The following KANK1 variants were observed in gnomAD, a reference collection of about 807,000 sequenced individuals.
KANK1 encodes the protein KN motif and ankyrin repeat domain-containing protein 1.
KANK1 carries 109 observed loss-of-function variants against 106.2 expected under a neutral mutation model. The ratio of observed to expected loss-of-function variants is 1.03; its 90% CI spans 0.88 to 1.20. KANK1 has a LOEUF of 1.20. Ranked by LOEUF, KANK1 falls within the 50% of genes most tolerant of loss-of-function variation. The probability of loss-of-function intolerance (pLI) is 0.00; values close to 1 mark genes in which losing one functional copy is unlikely to be tolerated. For synonymous variants in KANK1, 873 were observed against 652.2 expected, an observed-to-expected ratio of 1.34 and a Z score of -5.16; for missense variants, 2,399 against 1,710.7, an observed-to-expected ratio of 1.40 and a Z score of -7.10.
At chr9:637,230 A>G (rs775798886) in intron 1 of KANK1, among the ~76,000 whole-genome samples, 2 of 152,136 alleles carry the variant, frequency 1.3e-5, no homozygotes, top group South Asian at 2.1e-4. Context: ...AACACTACCA[A>G]GTAGTCTCAT....
chr9:721,539 T>C (rs940309828), intron 3 of KANK1, among the ~76,000 whole-genome samples: 3 of 152,260 alleles, frequency 2.0e-5, no homozygotes, highest in Non-Finnish European at 2.9e-5. Context: ...GATTGGTCTT[T>C]GGTAGAAATA....
Position 697,373 on chromosome 9 carries a change from AT to A in KANK1, c.38-13422del, listed in dbSNP as rs953426074. ...TCAGCTTTCTCATCATAGAGTCACC[AT>A]TTTTTTTTATGATTGACATTTCATG... On this transcript the variant is annotated intron_variant, in intron 2 of 11. Coordinates refer to ENST00000382297, the MANE Select transcript of KANK1 (RefSeq NM_015158.5). 6.0e-5 allele frequency among the ~76,000 whole-genome samples: 9 copies of A among 150,958 alleles called. 1 individual carries two copies. The South Asian group carries it at 6.3e-4, about 11-fold the overall frequency.
At chr9:653,641 T>C (rs1841417491) in intron 1 of KANK1, among the ~76,000 whole-genome samples, 4 of 152,146 alleles carry the variant, frequency 2.6e-5, no homozygotes, top group Admixed American at 2.6e-4. Flanking sequence ...CTGTAAAGCC[T>C]GTCCCTGGGT....
intron 1 of KANK1, among the ~76,000 whole-genome samples, chr9:591,461 C>T (rs1442157765): frequency 4.0e-5 from 6 of 151,778 alleles, no homozygotes; most frequent in South Asian, 4.2e-4. Context: ...GGGCCTGGCA[C>T]GATCTTGCTT....
At position 521,691 on chromosome 9, in the gene KANK1, C is replaced by T. The variant is rs764830429; in HGVS notation, c.-84+16937C>T. Among the ~76,000 whole-genome samples, 101 of 151,004 alleles carry T rather than the reference C, an allele frequency of 6.7e-4. 4 individuals carry two copies. The highest frequency in any genetic ancestry group is 2.4e-3 in the African/African-American group (96 of 40,644). ...AAGCGATTCTCCTGCCTCAGCCTCC[C>T]GAGTAGCTGGGGATTACAGGTGTGC... On this transcript the variant is annotated intron_variant, in intron 1 of 11. Coordinates refer to ENST00000382297, the MANE Select transcript of KANK1 (RefSeq NM_015158.5).
chr9:687,509 G>A (rs1006799013), intron 2 of KANK1, among the ~76,000 whole-genome samples: 1 of 152,116 alleles, frequency 6.6e-6, no homozygotes, highest in Non-Finnish European at 1.5e-5. Flanking sequence ...CTTACCGGAG[G>A]TCCATGACTA....
chr9:549,225 C>G (rs118033505), intron 1 of KANK1: 1 of 152,406 alleles, frequency 6.6e-6, no homozygotes, highest in African/African-American at 2.4e-5. Context: ...GAGAAGACCC[C>G]CTCCCAGAAC....
intron 1 of KANK1, among the ~76,000 whole-genome samples, chr9:643,762 G>GA (rs577948479): frequency 2.7e-5 from 4 of 150,306 alleles, no homozygotes; most frequent in Non-Finnish European, 4.4e-5. Context: ...GAGTGCAGTG[G>GA]GATGATCTTG....
chr9:528,075 G>T (rs151009080), intron 1 of KANK1, among the ~76,000 whole-genome samples: 1 of 151,606 alleles, frequency 6.6e-6, no homozygotes, highest in African/African-American at 2.4e-5. Flanking sequence ...GGAGCTTGCA[G>T]TGAGCCGAGA....
At chr9:625,593 A>C (rs937448020) in intron 1 of KANK1, among the ~76,000 whole-genome samples, 1 of 152,200 alleles carries the variant, frequency 6.6e-6, no homozygotes, top group Non-Finnish European at 1.5e-5. Context: ...TGGAAAAAAA[A>C]AACAACATTG....
chr9:504,779 C>CGCGCCGCGTGCCGCGCT (rs1554723210), intron 1 of KANK1, 25 bp downstream of exon 1: 1 of 140,820 alleles, frequency 7.1e-6, no homozygotes, highest in Non-Finnish European at 1.5e-5. Context: ...GGGGCCGTGC[C>CGCGCCGCGTGCCGCGCT]GCGCCCCGTG....
rs186995888 is a variant in KANK1 at position 631,705 on chromosome 9, C to G, written c.-83-45185C>G. On this transcript the variant is annotated intron_variant, in intron 1 of 11. Coordinates refer to ENST00000382297, the MANE Select transcript of KANK1 (RefSeq NM_015158.5). ...AAGTCCAACTGTTTAGCTTGGCATG[C>G]AAAACCTGTAGTCATCCATCCCTTG... Among the ~76,000 whole-genome samples, 111 of 152,334 alleles carry G rather than the reference C, an allele frequency of 7.3e-4. 1 individual carries two copies. Among genetic ancestry groups the G allele is most frequent in the Admixed American group, 3.5e-3 (53 of 15,306 alleles).
chr9:542,237 G>T (rs1269996227), intron 1 of KANK1, among the ~76,000 whole-genome samples: 2 of 152,108 alleles, frequency 1.3e-5, no homozygotes, highest in Non-Finnish European at 2.9e-5. Flanking sequence ...AGTGGCTCAT[G>T]CCTGTAAATC....
At chr9:654,319 C>G (rs979492420) in intron 1 of KANK1, among the ~76,000 whole-genome samples, 1 of 152,140 alleles carries the variant, frequency 6.6e-6, no homozygotes, top group Non-Finnish European at 1.5e-5. Flanking sequence ...GGGTGTTTTC[C>G]AAATTTTGCT....
intron 1 of KANK1, among the ~76,000 whole-genome samples, chr9:657,372 C>A (rs1842374088): frequency 6.6e-6 from 1 of 150,468 alleles, no homozygotes; most frequent in East Asian, 2.0e-4. Flanking sequence ...GTTTTTAGTT[C>A]TTTTGGGCAT....
At chr9:612,578 AAAG>A (rs1830828321) in intron 1 of KANK1, among the ~76,000 whole-genome samples, 1 of 151,660 alleles carries the variant, frequency 6.6e-6, no homozygotes, top group South Asian at 2.1e-4. Context: ...CATATTAAAA[AAAG>A]TTATCATTTG....
intron 1 of KANK1, among the ~76,000 whole-genome samples, chr9:545,264 G>T (rs2060859194): frequency 6.6e-6 from 1 of 152,194 alleles, no homozygotes; most frequent in Non-Finnish European, 1.5e-5. Context: ...GTGAAAGGAA[G>T]CCTGGGAGGT....
At chr9:521,559 C>T (rs1314460165) in intron 1 of KANK1, among the ~76,000 whole-genome samples, 2 of 146,378 alleles carry the variant, frequency 1.4e-5, no homozygotes, top group Non-Finnish European at 3.0e-5. Context: ...CTTTTCCCTC[C>T]AGATTCTTTT....
intron 3 of KANK1, among the ~76,000 whole-genome samples, chr9:720,297 C>G (rs181698419): frequency 5.9e-5 from 9 of 152,322 alleles, no homozygotes; most frequent in African/African-American, 2.2e-4. Flanking sequence ...AGCATCTAGA[C>G]CAGAGTGCCA....
Sources: gnomAD v4.1 joint callset for allele counts (sites outside exome capture counted in the v4.1 genomes callset) on GRCh38, gnomAD v4.1.1 for gene constraint, MANE v1.5 for transcripts, NCBI Gene and HGNC (gene_info 2026-07-23, HGNC 2026-07-21) for gene names.